The following ZYG11B variants were observed in gnomAD, a reference collection of about 807,000 sequenced individuals.
ZYG11B encodes the protein zyg-11 family member B, cell cycle regulator, also known as protein zyg-11 homolog B.
A neutral mutation model predicts 82.4 loss-of-function variants in ZYG11B; 36 were observed. The observed-to-expected ratio is 0.44, with a 90% CI of 0.33 to 0.58. ZYG11B has a LOEUF of 0.58. Among genes scored for constraint, ZYG11B ranks in the 20% least tolerant of loss-of-function variants. ZYG11B has a pLI of 0.02. For synonymous variants in ZYG11B, 303 were observed against 312.8 expected, an observed-to-expected ratio of 0.97 and a Z score of 0.33; for missense variants, 552 against 895.6, an observed-to-expected ratio of 0.62 and a Z score of 4.90.
rs900228499 is a variant in ZYG11B at position 52,796,219 on chromosome 1, G to T, written c.1335-73G>T. ...TTCATATATTTAAGTTGTAGCATCA[G>T]TTCCTAGCTGGAACTCTGAAATTGT... On this transcript the variant is annotated intron_variant, in intron 6 of 13. Transcript: ENST00000294353. 4.1e-5 allele frequency: 47 copies of T among 1,147,106 alleles called. 1 individual carries two copies. Among genetic ancestry groups the T allele is most frequent in the South Asian group, 2.6e-5 (2 of 78,384 alleles). 71.1% of individuals were successfully genotyped at this position (1,147,106 alleles called of 1,614,324 possible).
chr1:52,761,141 A>G (rs1046031422), intron 2 of ZYG11B, among the ~76,000 whole-genome samples: 3 of 152,200 alleles, frequency 2.0e-5, no homozygotes, highest in Admixed American at 6.6e-5. Flanking sequence ...CATATACTGT[A>G]TAGTGATAAG....
At chr1:52,760,983 G>C (rs986527754) in intron 2 of ZYG11B, among the ~76,000 whole-genome samples, 3 of 151,978 alleles carry the variant, frequency 2.0e-5, no homozygotes, top group Non-Finnish European at 4.4e-5. Flanking sequence ...GGCTGGTCTC[G>C]AACTCCTGAC....
chr1:52,797,310 T>C (rs1396501054), intron 8 of ZYG11B, among the ~76,000 whole-genome samples: 1 of 86,836 alleles, frequency 1.2e-5, no homozygotes, highest in African/African-American at 5.5e-5. Flanking sequence ...AATATAAATA[T>C]ATACATATAA....
chr1:52,762,642 G>A (rs567020903), intron 2 of ZYG11B, among the ~76,000 whole-genome samples: 36 of 151,744 alleles, frequency 2.4e-4, no homozygotes, highest in African/African-American at 7.7e-4. Flanking sequence ...GTGCAGTGGC[G>A]CCGTTTCAGC....
chr1:52,772,512 G>A, intron 3 of ZYG11B: 1 of 1,607,344 alleles, frequency 6.2e-7, no homozygotes, highest in Non-Finnish European at 8.5e-7. Flanking sequence ...CTGTGAAGGA[G>A]TAAGGCCCTT....
chr1:52,783,863 T>G (rs1644882529), intron 4 of ZYG11B, among the ~76,000 whole-genome samples: 2 of 147,062 alleles, frequency 1.4e-5, no homozygotes, highest in Admixed American at 6.8e-5. Flanking sequence ...TGTGTGTGTA[T>G]GTACATACAC....
At chr1:52,782,463 C>T (rs1213162830) in intron 4 of ZYG11B, among the ~76,000 whole-genome samples, 1 of 152,110 alleles carries the variant, frequency 6.6e-6, no homozygotes, top group African/African-American at 2.4e-5. Flanking sequence ...TAGTTCACTG[C>T]AACTGCAACC....
At chr1:52,757,522 A>G (rs775723641) in intron 2 of ZYG11B, among the ~76,000 whole-genome samples, 7 of 152,016 alleles carry the variant, frequency 4.6e-5, no homozygotes, top group Admixed American at 2.0e-4. Context: ...CTAAAATACA[A>G]AAATTAGCTG....
In ZYG11B at chr1:52,726,474, G is replaced by A. The variant is rs1445642922; in HGVS notation, c.-180G>A. 6.0e-6 allele frequency: 3 copies of A among 498,572 alleles called. No homozygotes were observed. Among genetic ancestry groups the A allele is most frequent in the Non-Finnish European group, 9.4e-6 (3 of 318,552 alleles). 30.9% of individuals were successfully genotyped at this position (498,572 alleles called of 1,614,324 possible). On this transcript the variant is annotated 5_prime_UTR_variant, in exon 1 of 14. Coordinates refer to ENST00000294353, the MANE Select transcript of ZYG11B (RefSeq NM_024646.3). ...GGGCGGAGTCTGCGCTCTGGTTCGG[G>A]CTGCGGCTGCGGCTGCGGCTGCGGC...
chr1:52,774,137 CTTTTTT>C (rs71701008), intron 3 of ZYG11B, among the ~76,000 whole-genome samples: 72,808 of 147,726 alleles, frequency 0.49, 18,083 homozygotes, highest in East Asian at 0.62. Flanking sequence ...TTTACAATAA[CTTTTTT>C]TTTTTTTTTC....
At chr1:52,777,587 T>C (rs1644820611) in intron 3 of ZYG11B, among the ~76,000 whole-genome samples, 3 of 152,090 alleles carry the variant, frequency 2.0e-5, no homozygotes. Context: ...ACTACAGGCA[T>C]GCACCATCAC....
chr1:52,748,113 G>A (rs1450484348), intron 1 of ZYG11B, among the ~76,000 whole-genome samples: 9 of 152,164 alleles, frequency 5.9e-5, no homozygotes, highest in Admixed American at 5.9e-4. Context: ...TTGTGTTGAA[G>A]TCTGGGTTTA....
At chr1:52,805,722 G>A (rs769980144) in intron 10 of ZYG11B, among the ~76,000 whole-genome samples, 7 of 152,046 alleles carry the variant, frequency 4.6e-5, no homozygotes, top group South Asian at 2.1e-4. Flanking sequence ...CCAGCTACTC[G>A]GAAAGCTGAG....
At chr1:52,792,529 A>G (rs1360513700) in intron 6 of ZYG11B, among the ~76,000 whole-genome samples, 2 of 152,204 alleles carry the variant, frequency 1.3e-5, no homozygotes, top group African/African-American at 4.8e-5. Context: ...GAGGAAATAG[A>G]GACACAGAAA....
chr1:52,791,430 G>T (rs1009599137), intron 6 of ZYG11B, among the ~76,000 whole-genome samples: 2 of 151,642 alleles, frequency 1.3e-5, no homozygotes, highest in African/African-American at 4.8e-5. Context: ...GTGCAATGGC[G>T]TGATCTCGGC....
Position 52,813,232 on chromosome 1 carries a change from C to T in ZYG11B, c.1696-304C>T, listed in dbSNP as rs536570699. ...ATTACTGAGCCAGAGATTTGGGGTA[C>T]AGGTCATGTGTGCTCTGTCTCTGAG... On this transcript the variant is annotated intron_variant, in intron 10 of 13. Coordinates refer to ENST00000294353, the MANE Select transcript of ZYG11B (RefSeq NM_024646.3). Among the ~76,000 whole-genome samples, 27 of 152,278 alleles carry T rather than the reference C, an allele frequency of 1.8e-4. No individual in the cohort carries two copies. In the South Asian group the frequency reaches 5.6e-3, roughly 32 times the overall value.
intron 3 of ZYG11B, chr1:52,772,527 G>T: frequency 6.2e-7 from 1 of 1,609,438 alleles, no homozygotes; most frequent in Non-Finnish European, 8.5e-7. Context: ...GCCCTTCTTG[G>T]CCAGTTTGTA....
intron 6 of ZYG11B, 47 bp downstream of exon 6, chr1:52,790,114 G>A (rs749190577): frequency 1.5e-6 from 2 of 1,379,204 alleles, no homozygotes; most frequent in South Asian, 1.5e-5. Context: ...CAGAATGTTA[G>A]AAATCTGTCT....
At chr1:52,806,892 G>A (rs1313459067) in intron 10 of ZYG11B, among the ~76,000 whole-genome samples, 4 of 149,312 alleles carry the variant, frequency 2.7e-5, no homozygotes, top group African/African-American at 5.0e-5. Flanking sequence ...TTTTTGAGAC[G>A]GAGTCTTGCT....
Sources: gnomAD v4.1 joint callset for allele counts (sites outside exome capture counted in the v4.1 genomes callset) on GRCh38, gnomAD v4.1.1 for gene constraint, MANE v1.5 for transcripts, NCBI Gene and HGNC (gene_info 2026-07-23, HGNC 2026-07-21) for gene names.